MOBP: variants seen among roughly 807,000 people sequenced by gnomAD.
MOBP encodes myelin associated oligodendrocyte basic protein.
Under a neutral mutation model 15.0 loss-of-function variants are expected in MOBP, and 5 were observed. The ratio of observed to expected loss-of-function variants is 0.33; its 90% CI spans 0.17 to 0.70. MOBP has a LOEUF of 0.70. MOBP is among the 30% of genes least tolerant of loss of function. MOBP has a pLI of 0.67. For synonymous variants in MOBP, 88 were observed against 99.0 expected (o/e 0.89, Z 0.66); for missense variants, 188 against 257.8 (o/e 0.73, Z 1.85).
intron 2 of MOBP, among the ~76,000 whole-genome samples, chr3:39,489,062 A>G (rs1205381129): frequency 2.0e-5 from 3 of 151,690 alleles, no homozygotes; most frequent in African/African-American, 7.3e-5. Flanking sequence ...CCCCTCCCTC[A>G]CTGTGCTTCA....
At chr3:39,490,085 T>C (rs1708109) in intron 2 of MOBP, among the ~76,000 whole-genome samples, 45,323 of 152,036 alleles carry the variant, frequency 0.3, 9,134 homozygotes, top group African/African-American at 0.57. Context: ...TCTCCCCACT[T>C]ATCTTCTCTT....
intron 2 of MOBP, among the ~76,000 whole-genome samples, chr3:39,498,354 AT>A (rs1421704729): frequency 1.3e-5 from 2 of 151,682 alleles, no homozygotes; most frequent in Non-Finnish European, 2.9e-5. Context: ...TTTTGTTTTT[AT>A]TTTTTTGTTT....
downstream of MOBP, chr3:39,528,222 C>T (rs816520): frequency 0.31 from 46,494 of 152,014 alleles, 9,280 homozygotes; most frequent in African/African-American, 0.57. Context: ...TCTGTTCTGT[C>T]CCTACAGTGA....
At chr3:39,491,461 A>G (rs936516955) in intron 2 of MOBP, among the ~76,000 whole-genome samples, 2 of 152,240 alleles carry the variant, frequency 1.3e-5, no homozygotes, top group African/African-American at 4.8e-5. Flanking sequence ...CTCCATCAGT[A>G]GTACTATTAT....
chr3:39,521,074 G>A (rs1158414849), intron 3 of MOBP, among the ~76,000 whole-genome samples: 9 of 151,744 alleles, frequency 5.9e-5, no homozygotes, highest in African/African-American at 1.7e-4. Flanking sequence ...CTCAGCTCCC[G>A]AGGAGCTGGG....
chr3:39,502,327 G>A lies in MOBP; in HGVS notation c.206+52G>A, dbSNP rs755262239. On this transcript the variant is annotated intron_variant, in intron 3 of 3. Transcript: ENST00000684792. This position sits in a 1 kb window ranked among gnomAD's most constrained non-coding sequence, Gnocchi z 6.3. ...CCAGTTGGGCACAGCGCGTGGTCTC[G>A]GCTCCCAGCACGCCCCTCCCGCTCC... 2 of 1,608,834 alleles carry A rather than the reference G, an allele frequency of 1.2e-6. No homozygotes were observed. Among genetic ancestry groups the A allele is most frequent in the Non-Finnish European group, 8.5e-7 (1 of 1,177,656 alleles).
chr3:39,500,002 T>C (rs550279930), intron 2 of MOBP: 33 of 456,026 alleles, frequency 7.2e-5, no homozygotes, highest in South Asian at 5.1e-4. Context: ...CACATTCTCA[T>C]GTTGCAGAGC....
At chr3:39,503,622 A>G (rs2043008976), downstream of MOBP, among the ~76,000 whole-genome samples, 1 of 145,560 alleles carries the variant, frequency 6.9e-6, no homozygotes, top group Admixed American at 7.0e-5. Context: ...GATTTCCTCT[A>G]TATTCTTGCC....
intron 1 of MOBP, among the ~76,000 whole-genome samples, chr3:39,470,230 AC>A (rs976274854): frequency 4.6e-5 from 7 of 152,118 alleles, no homozygotes; most frequent in African/African-American, 1.7e-4. Flanking sequence ...ATGTTCTAGT[AC>A]TCACACCTCA....
intron 3 of MOBP, among the ~76,000 whole-genome samples, chr3:39,523,152 CA>C (rs2043290634): frequency 6.6e-6 from 1 of 152,102 alleles, no homozygotes; most frequent in Non-Finnish European, 1.5e-5. Flanking sequence ...CTTAAGCTAA[CA>C]AAAAATTGCT....
In MOBP at chr3:39,471,449, A is replaced by G. The variant is rs563895943; in HGVS notation, c.-89+3709A>G. 3.9e-5 allele frequency among the ~76,000 whole-genome samples: 6 copies of G among 152,218 alleles called. No individual in the cohort carries two copies. The South Asian group carries it at 1.0e-3, about 26-fold the overall frequency. On this transcript the variant is annotated intron_variant, in intron 1 of 3. Coordinates refer to ENST00000684792, the MANE Select transcript of MOBP (RefSeq NM_001393704.1). ...CAGCAAAAGAAAAGTCTTATACCTCATCTTTCTGAACCTCAGTGAAACATC... is the reference window on the plus strand; with the variant it reads ...CAGCAAAAGAAAAGTCTTATACCTCGTCTTTCTGAACCTCAGTGAAACATC...
chr3:39,517,759 A>G (rs1170628093), downstream of MOBP: 1 of 152,232 alleles, frequency 6.6e-6, no homozygotes, highest in Non-Finnish European at 1.5e-5. Flanking sequence ...GACTTTGATC[A>G]ACTGACTGGG....
intron 4 of MOBP, among the ~76,000 whole-genome samples, chr3:39,512,746 A>G (rs936772092): frequency 6.6e-5 from 10 of 152,220 alleles, no homozygotes; most frequent in Non-Finnish European, 1.5e-4. Flanking sequence ...AAGAACTTTG[A>G]TGATGCACTG....
intron 3 of MOBP, among the ~76,000 whole-genome samples, chr3:39,522,549 T>A (rs1442165317): frequency 6.6e-6 from 1 of 152,220 alleles, no homozygotes; most frequent in African/African-American, 2.4e-5. Flanking sequence ...TTTTAAGCCA[T>A]CATGCTATTG....
At chr3:39,492,612 C>T (rs944979148) in intron 2 of MOBP, among the ~76,000 whole-genome samples, 7 of 152,082 alleles carry the variant, frequency 4.6e-5, no homozygotes, top group African/African-American at 1.4e-4. Flanking sequence ...AAATCAATCT[C>T]GATTTGAATA....
chr3:39,497,315 C>T (rs2042902025), intron 2 of MOBP, among the ~76,000 whole-genome samples: 1 of 152,184 alleles, frequency 6.6e-6, no homozygotes, highest in South Asian at 2.1e-4. Flanking sequence ...CTCCAAACTC[C>T]ATTCTCTATC....
At chr3:39,500,408 A>C (rs78086579) in intron 2 of MOBP, among the ~76,000 whole-genome samples, 1,889 of 152,326 alleles carry the variant, frequency 0.012, 39 homozygotes, top group East Asian at 0.1. Flanking sequence ...GTGTTAAAAA[A>C]ATGAAAGATT....
chr3:39,480,963 G>T (rs368995044), intron 2 of MOBP, among the ~76,000 whole-genome samples: 2 of 152,116 alleles, frequency 1.3e-5, no homozygotes, highest in South Asian at 4.1e-4. Flanking sequence ...TTCACTAGGT[G>T]CTTCTAGTTG....
At chr3:39,489,383 C>T (rs959295852) in intron 2 of MOBP, among the ~76,000 whole-genome samples, 1 of 152,132 alleles carries the variant, frequency 6.6e-6, no homozygotes, top group African/African-American at 2.4e-5. Flanking sequence ...GCATAGGGAC[C>T]TTCTTTGTCT....
Sources: allele counts gnomAD v4.1 joint callset (sites outside exome capture counted in the v4.1 genomes callset), GRCh38; gene constraint gnomAD v4.1.1; non-coding constraint Gnocchi (gnomAD v3.1); transcripts MANE v1.5; gene names NCBI Gene and HGNC (gene_info 2026-07-23, HGNC 2026-07-21).